SCN11A: variants seen among roughly 807,000 people sequenced by gnomAD.
The protein encoded by SCN11A is sodium channel protein type 11 subunit alpha.
A neutral mutation model predicts 162.2 loss-of-function variants in SCN11A; 122 were observed. That is an observed-to-expected ratio of 0.75 (90% CI 0.65 to 0.87). SCN11A has a LOEUF of 0.87. Ranked by LOEUF, SCN11A falls within the 40% of genes least tolerant of loss-of-function variation. The pLI, the probability that SCN11A is intolerant of heterozygous loss-of-function variation, is 0.00. For missense variants in SCN11A, 2,015 were observed against 2,181.6 expected (o/e 0.92, Z 1.52); for synonymous variants, 758 against 751.5 (o/e 1.01, Z -0.14).
At position 38,847,498 on chromosome 3, in the gene SCN11A, TG is replaced by T; in HGVS notation, c.4571del (p.Pro1524GlnfsTer24). On this transcript the variant is annotated frameshift_variant, in exon 30 of 30. Coordinates refer to ENST00000302328, the MANE Select transcript of SCN11A (RefSeq NM_001349253.2). LOFTEE classifies it low-confidence loss of function (END_TRUNC). ...LGMNWFSKVNPESGIDDIFNF... is the reference protein window; with the variant it reads ...LGMNWFSKVNXESGIDDIFNF... ...TGAATATGTCATCGATTCCAGACTC[TG>T]GATTCACTTTGGAAAACCAGTTCAT... 1 of 1,614,212 alleles carries T rather than the reference TG, an allele frequency of 6.2e-7. No individual in the cohort carries two copies. Among genetic ancestry groups the T allele is most frequent in the Non-Finnish European group, 8.5e-7 (1 of 1,180,022 alleles).
At chr3:38,998,545 AT>A (rs2030712024) in intron 2 of SCN11A, among the ~76,000 whole-genome samples, 1 of 152,208 alleles carries the variant, frequency 6.6e-6, no homozygotes, top group African/African-American at 2.4e-5. Flanking sequence ...TGACCCAGTC[AT>A]CCATTACTGG....
chr3:39,043,904 T>A (rs866734197), intron 1 of SCN11A, among the ~76,000 whole-genome samples: 63 of 152,128 alleles, frequency 4.1e-4, no homozygotes, highest in African/African-American at 1.5e-3. Context: ...GGATACCCAA[T>A]TTTCCATGAT....
At chr3:38,875,136 G>A (rs1028641222) in intron 23 of SCN11A, among the ~76,000 whole-genome samples, 2 of 152,176 alleles carry the variant, frequency 1.3e-5, no homozygotes, top group South Asian at 2.1e-4. Context: ...GATAAGTGGT[G>A]AATTTCAGAT....
chr3:39,049,225 C>T (rs1444369573), intron 1 of SCN11A, among the ~76,000 whole-genome samples: 1 of 152,214 alleles, frequency 6.6e-6, no homozygotes, highest in Non-Finnish European at 1.5e-5. Context: ...CCAGAAGGCA[C>T]CATAGCTAAG....
intron 7 of SCN11A, among the ~76,000 whole-genome samples, chr3:38,931,691 T>C (rs1214902341): frequency 6.6e-6 from 1 of 152,182 alleles, no homozygotes; most frequent in Non-Finnish European, 1.5e-5. Context: ...TTGTATTCCC[T>C]AATAAGTGCC....
chr3:39,000,014 G>A (rs530448548), intron 2 of SCN11A, among the ~76,000 whole-genome samples: 7 of 152,268 alleles, frequency 4.6e-5, no homozygotes, highest in African/African-American at 1.7e-4. Flanking sequence ...ACCCCCTCAG[G>A]CTTGGCTCTC....
At chr3:38,952,648 G>A (rs148902646) in intron 4 of SCN11A, among the ~76,000 whole-genome samples, 226 of 152,354 alleles carry the variant, frequency 1.5e-3, no homozygotes, top group African/African-American at 5.3e-3. Context: ...CTATGTCTAT[G>A]CATAGGATAG....
At position 39,031,286 on chromosome 3, in the gene SCN11A, C is replaced by T. The variant is rs148035002; in HGVS notation, c.-280+1094G>A. On this transcript the variant is annotated intron_variant, in intron 2 of 29. Coordinates refer to ENST00000302328, the MANE Select transcript of SCN11A (RefSeq NM_001349253.2). ...CTTGCCTATAATCCCAACACTTTGG[C>T]GGGCCAAAGCAGGAGGATCACTTGA... Among the ~76,000 whole-genome samples, 849 of 152,230 alleles carry T rather than the reference C, an allele frequency of 5.6e-3. 9 individuals are homozygous for T. The highest frequency in any genetic ancestry group is 0.02 in the Middle Eastern group (6 of 294).
chr3:39,044,556 A>G (rs2032141057), intron 1 of SCN11A, among the ~76,000 whole-genome samples: 1 of 152,182 alleles, frequency 6.6e-6, no homozygotes, highest in Admixed American at 6.5e-5. Context: ...ATTAAATAAC[A>G]TGCTCCTGAA....
At chr3:38,947,377 C>T (rs2066534115) in intron 5 of SCN11A, among the ~76,000 whole-genome samples, 1 of 152,194 alleles carries the variant, frequency 6.6e-6, no homozygotes, top group African/African-American at 2.4e-5. Context: ...TGATGATCTT[C>T]AAGAAAAAAG....
Position 38,894,750 on chromosome 3 carries a change from C to G in SCN11A, c.2618G>C (p.Cys873Ser), listed in dbSNP as rs750182649. The change falls in exon 19 of 30, where the codon TGT becomes TCT. Residue 873 changes from cysteine (C) to serine (S), a missense_variant. Cys to Ser is a moderately radical substitution (Grantham distance 112). Coordinates refer to ENST00000302328, the MANE Select transcript of SCN11A (RefSeq NM_001349253.2). Reference sequence around the variant, plus strand: ...AATGATGTCTTTGCTTTGTGCAGCACAGCCTCCTGCCACCTCTTTTTGCTG... The same window carrying G: ...AATGATGTCTTTGCTTTGTGCAGCAGAGCCTCCTGCCACCTCTTTTTGCTG... ...LPQQKEVAGG[C>S]AAQSKDIIPL... 2 of 1,614,210 alleles carry G rather than the reference C, an allele frequency of 1.2e-6. No homozygotes were observed. Among genetic ancestry groups the G allele is most frequent in the Admixed American group, 1.7e-5 (1 of 60,026 alleles).
intron 1 of SCN11A, among the ~76,000 whole-genome samples, chr3:39,033,047 G>A (rs2031803475): frequency 6.6e-6 from 1 of 152,066 alleles, no homozygotes; most frequent in East Asian, 1.9e-4. Flanking sequence ...CAGCTACTGG[G>A]GAGGCTGAGG....
intron 1 of SCN11A, among the ~76,000 whole-genome samples, chr3:39,047,212 G>C (rs901475412): frequency 6.6e-6 from 1 of 151,626 alleles, no homozygotes; most frequent in Non-Finnish European, 1.5e-5. Flanking sequence ...TGGGACTACA[G>C]GCATGTACCA....
chr3:39,043,494 A>AC lies in SCN11A; in HGVS notation c.-404+8366_-404+8367insG, dbSNP rs796430465. Among the ~76,000 whole-genome samples, 608 of 152,070 alleles carry AC rather than the reference A, an allele frequency of 4.0e-3. 9 individuals are homozygous for AC. Among genetic ancestry groups the AC allele is most frequent in the African/African-American group, 0.014 (579 of 41,462 alleles). ...AAGTACTATACAGCCAAAAAAAAAA[A>AC]AAAAAACCCAGAATCCTGTCATTTG... is the stretch of plus-strand genomic sequence containing the variant. On this transcript the variant is annotated intron_variant, in intron 1 of 29. Transcript: ENST00000302328.
chr3:38,934,848 G>A (rs2066304362), intron 7 of SCN11A, among the ~76,000 whole-genome samples: 2 of 151,778 alleles, frequency 1.3e-5, no homozygotes, highest in African/African-American at 4.8e-5. Flanking sequence ...GGATACCCAG[G>A]AATTGAACTC....
rs1480310030 is a variant in SCN11A at position 38,929,162 on chromosome 3, CACACACACACAT to C, written c.489-2243_489-2232del. 1.5e-4 allele frequency among the ~76,000 whole-genome samples: 21 copies of C among 136,632 alleles called. No individual in the cohort carries two copies. The East Asian group carries it at 3.0e-3, about 19-fold the overall frequency. The allele number at this position is 136,632 out of a possible 152,430, so 89.6% of individuals were successfully genotyped here. ...ACACACACACACACACACACACACA[CACACACACACAT>C]GTTTGGGACTGAAACAAGTAATTCA... On this transcript the variant is annotated intron_variant, in intron 7 of 29. Coordinates refer to ENST00000302328, the MANE Select transcript of SCN11A (RefSeq NM_001349253.2).
intron 2 of SCN11A, among the ~76,000 whole-genome samples, chr3:38,983,633 A>C (rs1362384158): frequency 6.6e-6 from 1 of 152,198 alleles, no homozygotes; most frequent in African/African-American, 2.4e-5. Context: ...GTTAATGACA[A>C]CCTCTACCCC....
chr3:38,919,522 T>A (rs1473121781), intron 11 of SCN11A, among the ~76,000 whole-genome samples: 1 of 152,188 alleles, frequency 6.6e-6, no homozygotes, highest in African/African-American at 2.4e-5. Flanking sequence ...GTGTTTGTAA[T>A]TTGAGGCAAT....
At chr3:39,004,960 G>A (rs1409534955) in intron 2 of SCN11A, among the ~76,000 whole-genome samples, 1 of 152,126 alleles carries the variant, frequency 6.6e-6, no homozygotes, top group African/African-American at 2.4e-5. Flanking sequence ...CTTAAAATCC[G>A]AGCTCCCTGA....
Sources: gnomAD v4.1 joint callset for allele counts (sites outside exome capture counted in the v4.1 genomes callset) on GRCh38, gnomAD v4.1.1 for gene constraint, MANE v1.5 for transcripts, NCBI Gene and HGNC (gene_info 2026-07-23, HGNC 2026-07-21) for gene names.